Variants in FHOD3 observed in about 807,000 individuals in gnomAD.
The protein encoded by FHOD3 is formin homology 2 domain containing 3, also known as FH1/FH2 domain-containing protein 3.
A neutral mutation model predicts 173.0 loss-of-function variants in FHOD3; 90 were observed. That is an observed-to-expected ratio of 0.52 (90% confidence interval 0.44 to 0.62). The LOEUF (loss-of-function observed/expected upper bound fraction) is 0.62. Among genes scored for constraint, FHOD3 ranks in the 20% least tolerant of loss-of-function variants. FHOD3 has a pLI of 0.00. For synonymous variants in FHOD3, 828 were observed against 823.0 expected, an observed-to-expected ratio of 1.01 and a Z score of -0.10; for missense variants, 1,945 against 2,034.7, an observed-to-expected ratio of 0.96 and a Z score of 0.85.
intron 5 of FHOD3, among the ~76,000 whole-genome samples, chr18:36,519,623 G>A (rs1662883885): frequency 6.6e-6 from 1 of 152,190 alleles, no homozygotes; most frequent in African/African-American, 2.4e-5. Context: ...AGTGGGCAAG[G>A]AGCTCCTGCC....
chr18:36,651,970 GA>G (rs2036084299), intron 11 of FHOD3, among the ~76,000 whole-genome samples: 1 of 152,174 alleles, frequency 6.6e-6, no homozygotes, highest in African/African-American at 2.4e-5. Flanking sequence ...GAGAAAGTAT[GA>G]AACGGGCAAA....
At chr18:36,308,332 A>T (rs1468194694) in intron 1 of FHOD3, among the ~76,000 whole-genome samples, 1 of 152,166 alleles carries the variant, frequency 6.6e-6, no homozygotes, top group South Asian at 2.1e-4. Flanking sequence ...TAAGCATTGG[A>T]GGTAGCTGGA....
At chr18:36,607,119 T>C (rs2032169361) in intron 8 of FHOD3, among the ~76,000 whole-genome samples, 1 of 152,238 alleles carries the variant, frequency 6.6e-6, no homozygotes, top group Admixed American at 6.5e-5. Flanking sequence ...CCACTAGGCA[T>C]TGCCCTAGTA....
At chr18:36,763,271 TAC>T (rs1354727111) in intron 27 of FHOD3, among the ~76,000 whole-genome samples, 2 of 144,948 alleles carry the variant, frequency 1.4e-5, no homozygotes, top group East Asian at 4.2e-4. Context: ...ATGCGTATTA[TAC>T]ACGTTATATA....
At chr18:36,482,513 G>C (rs1183019231) in intron 3 of FHOD3, among the ~76,000 whole-genome samples, 2 of 152,076 alleles carry the variant, frequency 1.3e-5, no homozygotes, top group Non-Finnish European at 2.9e-5. Context: ...TAGTAAGAAA[G>C]GGTTGGATGT....
At chr18:36,480,559 T>C (rs1018087106) in intron 3 of FHOD3, among the ~76,000 whole-genome samples, 3 of 152,232 alleles carry the variant, frequency 2.0e-5, no homozygotes, top group Non-Finnish European at 4.4e-5. Context: ...GCCTTTTCCA[T>C]TTACAGTTTT....
intron 1 of FHOD3, among the ~76,000 whole-genome samples, chr18:36,327,831 C>T (rs559729240): frequency 1.3e-5 from 2 of 152,230 alleles, no homozygotes; most frequent in Admixed American, 6.5e-5. Flanking sequence ...CATACAGTCT[C>T]TGTGGCAATG....
At chr18:36,665,460 C>T (rs2037117244) in intron 14 of FHOD3, among the ~76,000 whole-genome samples, 1 of 152,096 alleles carries the variant, frequency 6.6e-6, no homozygotes, top group Admixed American at 6.6e-5. Flanking sequence ...AAGAGAGAGG[C>T]AATCAAACTG....
At chr18:36,455,432 G>T (rs1263346397) in intron 3 of FHOD3, among the ~76,000 whole-genome samples, 1 of 152,164 alleles carries the variant, frequency 6.6e-6, no homozygotes, top group Non-Finnish European at 1.5e-5. Context: ...TTTCACAGTA[G>T]ATTTTTCTTT....
chr18:36,523,737 A>G (rs2056384740), intron 5 of FHOD3, among the ~76,000 whole-genome samples: 1 of 152,198 alleles, frequency 6.6e-6, no homozygotes, highest in Non-Finnish European at 1.5e-5. Flanking sequence ...GTGGTACTGG[A>G]TGACCTCTTA....
intron 27 of FHOD3, among the ~76,000 whole-genome samples, chr18:36,763,308 A>G: frequency 7.2e-6 from 1 of 139,470 alleles, no homozygotes. Context: ...TACACGTTAT[A>G]TACAATATGC....
Position 36,681,528 on chromosome 18 carries a change from A to G in FHOD3, c.1928A>G (p.Glu643Gly), listed in dbSNP as rs768377913. 2 of 1,613,872 alleles carry G rather than the reference A, an allele frequency of 1.2e-6. No homozygotes were observed. The highest frequency in any genetic ancestry group is 1.7e-6 in the Non-Finnish European group (2 of 1,179,936). The part of the protein sequence containing the change: ...ERERRRQERE[E>G]RLQRIEREER... Reference sequence around the variant, plus strand: ...GAGAGGCGGCGGCAGGAGAGAGAAGAAAGGTTGCAGAGAATAGAGCGGGAA... The same window carrying G: ...GAGAGGCGGCGGCAGGAGAGAGAAGGAAGGTTGCAGAGAATAGAGCGGGAA... Residue 643 changes from glutamate (E) to glycine (G), a missense_variant, in exon 15 of 29, where the codon GAA becomes GGA. This residue lies in a region of FHOD3 where 1,099 missense variants were observed against 1,051.2 expected (regional missense o/e 1.05). Transcript: ENST00000590592.
intron 14 of FHOD3, among the ~76,000 whole-genome samples, chr18:36,670,568 A>G (rs1024006329): frequency 1.3e-5 from 2 of 151,908 alleles, no homozygotes; most frequent in Non-Finnish European, 2.9e-5. Flanking sequence ...CATGTTAAAT[A>G]TTTTCTCTAG....
At chr18:36,540,212 C>G (rs2057152955) in intron 5 of FHOD3, among the ~76,000 whole-genome samples, 1 of 152,134 alleles carries the variant, frequency 6.6e-6, no homozygotes, top group Non-Finnish European at 1.5e-5. Context: ...GGTAATGTCA[C>G]GTGTCAAAGC....
chr18:36,635,324 G>C (rs1247350547), intron 10 of FHOD3, among the ~76,000 whole-genome samples: 1 of 152,216 alleles, frequency 6.6e-6, no homozygotes, highest in African/African-American at 2.4e-5. Flanking sequence ...ATCTTTCTAG[G>C]TTCTGAAGAA....
intron 20 of FHOD3, 33 bp from the exon 21 acceptor site, chr18:36,740,623 G>C (rs765097909): frequency 3.9e-5 from 61 of 1,573,482 alleles, no homozygotes; most frequent in Non-Finnish European, 4.5e-5. Flanking sequence ...CCATCACTAA[G>C]AGAAAATATA....
At chr18:36,417,039 TTTTTATATATACACATA>T (rs2049692928) in intron 3 of FHOD3, among the ~76,000 whole-genome samples, 1 of 152,198 alleles carries the variant, frequency 6.6e-6, no homozygotes, top group Non-Finnish European at 1.5e-5. Context: ...CATGCACAGT[TTTTTATATATACACATA>T]TTTGTAATTT....
At chr18:36,743,577 A>G (rs2042011998) in intron 22 of FHOD3, among the ~76,000 whole-genome samples, 1 of 152,204 alleles carries the variant, frequency 6.6e-6, no homozygotes, top group Non-Finnish European at 1.5e-5. Flanking sequence ...TTTGCAAGAT[A>G]TACAGGTTTG....
chr18:36,520,882 G>A (rs184987385), intron 5 of FHOD3, among the ~76,000 whole-genome samples: 2 of 152,292 alleles, frequency 1.3e-5, no homozygotes, highest in African/African-American at 4.8e-5. Context: ...CCAAAGATGT[G>A]CCTCCTCACT....
Sources: allele counts gnomAD v4.1 joint callset (sites outside exome capture counted in the v4.1 genomes callset), GRCh38; gene constraint gnomAD v4.1.1; regional missense constraint gnomAD v4.1.1; transcripts MANE v1.5; gene names NCBI Gene and HGNC (gene_info 2026-07-23, HGNC 2026-07-21).